The following SLC24A2 variants were observed in gnomAD, a reference collection of about 807,000 sequenced individuals.
The protein encoded by SLC24A2 is solute carrier family 24 member 2.
SLC24A2 carries 36 observed loss-of-function variants against 62.0 expected under a neutral mutation model. That is an observed-to-expected ratio of 0.58 (90% CI 0.44 to 0.77). The LOEUF is 0.77. Among genes scored for constraint, SLC24A2 ranks in the 30% least tolerant of loss-of-function variants. The pLI is 0.00. For synonymous variants in SLC24A2, 358 were observed against 294.0 expected (o/e 1.22, Z -2.23); for missense variants, 846 against 817.9 (o/e 1.03, Z -0.42).
the SLC24A2 span, among the ~76,000 whole-genome samples, chr9:19,866,041 T>G: frequency 2.0e-5 from 3 of 152,044 alleles, no homozygotes; most frequent in Non-Finnish European, 4.4e-5. Flanking sequence ...GGGCAAAAGA[T>G]TAGAATGGAC....
the SLC24A2 span, among the ~76,000 whole-genome samples, chr9:19,918,643 G>T: frequency 4.6e-5 from 7 of 152,266 alleles, no homozygotes; most frequent in African/African-American, 1.2e-4. Context: ...TGTTTCCCCA[G>T]ACTCCAGGAG....
At chr9:19,636,310 TTTTCTTTTCTTTC>T (rs1351866619) in intron 2 of SLC24A2, among the ~76,000 whole-genome samples, 5 of 34,172 alleles carry the variant, frequency 1.5e-4, no homozygotes, top group African/African-American at 5.1e-4. Context: ...TTTTCTTTTC[TTTTCTTTTCTTTC>T]TTTCTTTCTT....
At chr9:19,834,176 C>T in the SLC24A2 span, among the ~76,000 whole-genome samples, 3 of 152,172 alleles carry the variant, frequency 2.0e-5, no homozygotes, top group Admixed American at 2.0e-4. Context: ...CGCCTCTCCT[C>T]CTCCAAAGGA....
the SLC24A2 span, among the ~76,000 whole-genome samples, chr9:20,178,998 G>A: frequency 1.3e-5 from 2 of 152,132 alleles, no homozygotes; most frequent in African/African-American, 4.8e-5. Context: ...AATCACTTGG[G>A]GAATCTTCTT....
chr9:20,013,475 G>C, the SLC24A2 span, among the ~76,000 whole-genome samples: 1 of 152,082 alleles, frequency 6.6e-6, no homozygotes, highest in Admixed American at 6.6e-5. Context: ...GAAAACATGA[G>C]GGAAATGCTT....
the SLC24A2 span, among the ~76,000 whole-genome samples, chr9:20,207,144 G>A: frequency 6.6e-6 from 1 of 152,118 alleles, no homozygotes; most frequent in Non-Finnish European, 1.5e-5. Context: ...TTCAACTTTA[G>A]TACCTGAAAT....
the SLC24A2 span, among the ~76,000 whole-genome samples, chr9:20,245,722 C>G: frequency 6.6e-6 from 1 of 152,116 alleles, no homozygotes; most frequent in African/African-American, 2.4e-5. Context: ...CACATTGGAT[C>G]TGGAGAGAAA....
chr9:20,071,261 T>C, the SLC24A2 span, among the ~76,000 whole-genome samples: 1 of 151,932 alleles, frequency 6.6e-6, no homozygotes, highest in African/African-American at 2.4e-5. Context: ...GATGGAATAA[T>C]GGAGCCAGCA....
At chr9:20,148,636 T>C in the SLC24A2 span, among the ~76,000 whole-genome samples, 2,394 of 152,226 alleles carry the variant, frequency 0.016, 31 homozygotes, top group South Asian at 0.053. Flanking sequence ...AAAGAATGGA[T>C]TTTGACCTCA....
chr9:19,740,475 A>G (rs1821641189), intron 2 of SLC24A2, among the ~76,000 whole-genome samples: 1 of 152,206 alleles, frequency 6.6e-6, no homozygotes, highest in African/African-American at 2.4e-5. Flanking sequence ...TCAAACCCCA[A>G]AATGCACATA....
chr9:20,185,318 T>C, the SLC24A2 span, among the ~76,000 whole-genome samples: 2 of 152,094 alleles, frequency 1.3e-5, no homozygotes, highest in South Asian at 2.1e-4. Context: ...AAACATCATA[T>C]TGTACACAAT....
chr9:19,983,226 T>C, the SLC24A2 span, among the ~76,000 whole-genome samples: 1 of 152,190 alleles, frequency 6.6e-6, no homozygotes, highest in African/African-American at 2.4e-5. Flanking sequence ...ACTATCTCTA[T>C]TCACAGATGA....
the SLC24A2 span, among the ~76,000 whole-genome samples, chr9:19,997,995 G>C: frequency 0.47 from 71,913 of 151,620 alleles, 17,879 homozygotes; most frequent in Non-Finnish European, 0.55. Flanking sequence ...TTATATTTTT[G>C]GGAAAAAAGC....
intron 8 of SLC24A2, among the ~76,000 whole-genome samples, chr9:19,530,670 A>G (rs1210145188): frequency 6.6e-6 from 1 of 152,244 alleles, no homozygotes; most frequent in Non-Finnish European, 1.5e-5. Flanking sequence ...CATACTAGGG[A>G]AAACCTCTCT....
chr9:19,563,946 T>G (rs565646357), intron 7 of SLC24A2, among the ~76,000 whole-genome samples: 1 of 150,748 alleles, frequency 6.6e-6, no homozygotes, highest in Non-Finnish European at 1.5e-5. Flanking sequence ...CTCTGCCTCC[T>G]GGGCTCAAGT....
At chr9:20,144,295 T>G in the SLC24A2 span, among the ~76,000 whole-genome samples, 1 of 152,198 alleles carries the variant, frequency 6.6e-6, no homozygotes, top group African/African-American at 2.4e-5. Context: ...TTTTTATGTC[T>G]TTAGACACCT....
At chr9:19,545,978 G>A (rs1047947385) in intron 8 of SLC24A2, among the ~76,000 whole-genome samples, 14 of 152,196 alleles carry the variant, frequency 9.2e-5, no homozygotes, top group South Asian at 6.2e-4. Flanking sequence ...AGGTCTGTTG[G>A]AGTTTGCTGG....
chr9:20,285,235 G>A, the SLC24A2 span, among the ~76,000 whole-genome samples: 2 of 152,100 alleles, frequency 1.3e-5, no homozygotes, highest in Non-Finnish European at 2.9e-5. Context: ...GTGGAAATAG[G>A]GCCTTATATT....
At chr9:20,104,495 G>C in the SLC24A2 span, among the ~76,000 whole-genome samples, 1 of 152,212 alleles carries the variant, frequency 6.6e-6, no homozygotes, top group African/African-American at 2.4e-5. Flanking sequence ...ACTAACAGTG[G>C]ATCTCTCAGC....
Sources: allele counts gnomAD v4.1 joint callset (sites outside exome capture counted in the v4.1 genomes callset), GRCh38; gene constraint gnomAD v4.1.1; transcripts MANE v1.5; gene names NCBI Gene and HGNC (gene_info 2026-07-23, HGNC 2026-07-21).